MAST4: variants seen among roughly 807,000 people sequenced by gnomAD.
MAST4 encodes the protein microtubule-associated serine/threonine-protein kinase 4.
MAST4 carries 89 observed loss-of-function variants against 162.7 expected under a neutral mutation model. The ratio of observed to expected loss-of-function variants is 0.55; its 90% CI spans 0.46 to 0.65. The LOEUF (loss-of-function observed/expected upper bound fraction) is 0.65, where lower values mean the gene tolerates loss of function less well. Among genes scored for constraint, MAST4 ranks in the 30% least tolerant of loss-of-function variants. MAST4 has a pLI of 0.00. For synonymous variants in MAST4, 1,479 were observed against 1,361.1 expected (o/e 1.09, Z -1.91); for missense variants, 3,153 against 3,374.0 (o/e 0.93, Z 1.62).
At chr5:67,039,522 AG>A (rs1203302671) in intron 4 of MAST4, among the ~76,000 whole-genome samples, 6 of 152,132 alleles carry the variant, frequency 3.9e-5, no homozygotes, top group African/African-American at 1.4e-4. Context: ...GTTATCCTGG[AG>A]CTTGGAGTAC....
rs539970005 is a variant in MAST4 at position 66,919,034 on chromosome 5, C to T, written c.674+19052C>T. ...GGGAGAATTACTTAAATCTGGGAGG[C>T]GGAGGTTGCAGTGAGCCAAGATCAC... On this transcript the variant is annotated intron_variant, in intron 4 of 28. Coordinates refer to ENST00000403625, the MANE Select transcript of MAST4 (RefSeq NM_001164664.2). Among the ~76,000 whole-genome samples, 16 of 150,072 alleles carry T rather than the reference C, an allele frequency of 1.1e-4. No homozygotes were observed. In the South Asian group the frequency reaches 2.1e-3, roughly 20 times the overall value.
chr5:66,924,160 T>C (rs1017585212), intron 4 of MAST4, among the ~76,000 whole-genome samples: 1 of 152,192 alleles, frequency 6.6e-6, no homozygotes, highest in Non-Finnish European at 1.5e-5. Flanking sequence ...GCAGAGGGCC[T>C]GGCACCTGTG....
At chr5:66,964,505 A>C (rs1746423941) in intron 4 of MAST4, among the ~76,000 whole-genome samples, 1 of 151,558 alleles carries the variant, frequency 6.6e-6, no homozygotes, top group African/African-American at 2.4e-5. Context: ...CTTTTTAAAA[A>C]TCCTAATCCT....
At chr5:66,947,773 T>A (rs2150121561) in intron 4 of MAST4, among the ~76,000 whole-genome samples, 1 of 152,262 alleles carries the variant, frequency 6.6e-6, no homozygotes, top group African/African-American at 2.4e-5. Flanking sequence ...GTAAGTTGAT[T>A]TTTTATTTAG....
intron 15 of MAST4, among the ~76,000 whole-genome samples, chr5:67,131,554 G>T (rs1049432407): frequency 6.6e-6 from 1 of 152,210 alleles, no homozygotes; most frequent in South Asian, 2.1e-4. Context: ...AATTATGCTA[G>T]CCGTTCTTTA....
At chr5:66,767,718 G>A (rs1377517772) in intron 2 of MAST4, among the ~76,000 whole-genome samples, 1 of 152,078 alleles carries the variant, frequency 6.6e-6, no homozygotes, top group Non-Finnish European at 1.5e-5. Context: ...GAGCCAGTCC[G>A]AGTCCCAAAA....
At position 66,610,519 on chromosome 5, in the gene MAST4, G is replaced by A. The variant is rs557049608; in HGVS notation, c.363+13501G>A. 5.9e-5 allele frequency among the ~76,000 whole-genome samples: 9 copies of A among 152,016 alleles called. No individual in the cohort carries two copies. In the East Asian group the frequency reaches 1.7e-3, roughly 29 times the overall value. On this transcript the variant is annotated intron_variant, in intron 1 of 28. Coordinates refer to ENST00000403625, the MANE Select transcript of MAST4 (RefSeq NM_001164664.2). ...GAGAGGTTGAGTGATACCTGGCCCC[G>A]AGCATCACCAGGGCCCTCTGCCTCT...
intron 4 of MAST4, among the ~76,000 whole-genome samples, chr5:66,903,708 A>G (rs970220670): frequency 2.6e-5 from 4 of 152,224 alleles, no homozygotes; most frequent in African/African-American, 9.7e-5. Flanking sequence ...CTTCAGAACT[A>G]GATTTGTTGC....
intron 1 of MAST4, among the ~76,000 whole-genome samples, chr5:66,639,928 G>T (rs1420808476): frequency 6.6e-6 from 1 of 151,988 alleles, no homozygotes; most frequent in Non-Finnish European, 1.5e-5. Context: ...ATCTCACATG[G>T]TTACCTTTTT....
intron 4 of MAST4, chr5:66,964,083 G>A (rs572888336): frequency 1.1e-4 from 60 of 559,350 alleles, no homozygotes; most frequent in Middle Eastern, 3.0e-4. Flanking sequence ...TCAATATAAA[G>A]ATATAATTTA....
intron 3 of MAST4, among the ~76,000 whole-genome samples, chr5:66,836,538 CA>C (rs1757980127): frequency 6.6e-6 from 1 of 152,130 alleles, no homozygotes; most frequent in Non-Finnish European, 1.5e-5. Context: ...GACATGGAAT[CA>C]ACCTAAATGC....
At chr5:66,788,541 T>C (rs1240938208) in intron 2 of MAST4, 129 bp from the exon 3 acceptor site, 6 of 1,223,720 alleles carry the variant, frequency 4.9e-6, no homozygotes, top group East Asian at 2.4e-5. Flanking sequence ...ATTAATGTTA[T>C]TACTGGGTAT....
chr5:67,142,587 G>A, intron 21 of MAST4, 54 bp downstream of exon 21: 1 of 1,199,340 alleles, frequency 8.3e-7, no homozygotes, highest in Admixed American at 2.0e-5. Flanking sequence ...ATCTCCCGCT[G>A]GCCAGATAGT....
Position 67,165,230 on chromosome 5 carries a change from T to C in MAST4, c.6051T>C (p.Ser2017=), listed in dbSNP as rs372869024. Residue 2017 remains serine, a synonymous_variant, in exon 29 of 29, where the codon TCT becomes TCC. Coordinates refer to ENST00000403625, the MANE Select transcript of MAST4 (RefSeq NM_001164664.2). The part of the protein sequence containing the change: ...KTSDNSKNLL[S]VGRTHPDFYT... Reference sequence around the variant, plus strand: ...GTGACAACTCCAAAAATCTCCTCTCTGTGGGAAGGACCCACCCAGATTTCT... The same window carrying C: ...GTGACAACTCCAAAAATCTCCTCTCCGTGGGAAGGACCCACCCAGATTTCT... 7.1e-5 allele frequency: 115 copies of C among 1,612,344 alleles called. No individual in the cohort carries two copies. The highest frequency in any genetic ancestry group is 8.2e-5 in the Non-Finnish European group (97 of 1,179,388).
intron 3 of MAST4, among the ~76,000 whole-genome samples, chr5:66,837,890 ATATATTTTTT>A (rs1337204749): frequency 5.0e-4 from 14 of 28,062 alleles, no homozygotes; most frequent in Admixed American, 1.6e-3. Flanking sequence ...ATATATATAT[ATATATTTTTT>A]TTTTTTTTTT....
chr5:66,645,382 T>C (rs1745763600), intron 1 of MAST4, among the ~76,000 whole-genome samples: 1 of 152,176 alleles, frequency 6.6e-6, no homozygotes, highest in Non-Finnish European at 1.5e-5. Flanking sequence ...GTGAAGTGGA[T>C]GGGGAAAAAG....
intron 3 of MAST4, among the ~76,000 whole-genome samples, chr5:66,811,216 C>CT: frequency 6.6e-6 from 1 of 152,206 alleles, no homozygotes; most frequent in Non-Finnish European, 1.5e-5. Flanking sequence ...AGCTCTGCTG[C>CT]TGAGGAATCC....
chr5:67,066,260 T>A (rs1011737876), intron 5 of MAST4, among the ~76,000 whole-genome samples: 10 of 151,934 alleles, frequency 6.6e-5, no homozygotes, highest in Non-Finnish European at 1.2e-4. Flanking sequence ...ATTGTCCCCC[T>A]TAAAAGAAAC....
At chr5:66,998,194 T>G (rs1271179372) in intron 4 of MAST4, among the ~76,000 whole-genome samples, 1 of 152,196 alleles carries the variant, frequency 6.6e-6, no homozygotes, top group Admixed American at 6.5e-5. Context: ...TAAACCAAAT[T>G]GACACTTCTT....
Sources: allele counts gnomAD v4.1 joint callset (sites outside exome capture counted in the v4.1 genomes callset), GRCh38; gene constraint gnomAD v4.1.1; transcripts MANE v1.5; gene names NCBI Gene and HGNC (gene_info 2026-07-23, HGNC 2026-07-21).